The following OPCML variants were observed in gnomAD, a reference collection of about 807,000 sequenced individuals.
The protein encoded by OPCML is opioid binding protein/cell adhesion molecule like, also known as opioid-binding protein/cell adhesion molecule.
A neutral mutation model predicts 37.8 loss-of-function variants in OPCML; 13 were observed. The ratio of observed to expected loss-of-function variants is 0.34; its 90% CI spans 0.22 to 0.55. The LOEUF (loss-of-function observed/expected upper bound fraction) is 0.55, where lower values mean the gene tolerates loss of function less well. Among genes scored for constraint, OPCML ranks in the 20% least tolerant of loss-of-function variants. OPCML has a pLI of 0.91. For synonymous variants in OPCML, 176 were observed against 168.8 expected (o/e 1.04, Z -0.33); for missense variants, 341 against 435.6 (o/e 0.78, Z 1.93).
chr11:132,558,299 CCCTCCTCCTCT>C (rs2096400877), intron 3 of OPCML, among the ~76,000 whole-genome samples: 1 of 98,300 alleles, frequency 1.0e-5, no homozygotes. Flanking sequence ...TCCTCTTCTC[CCCTCCTCCTCT>C]CCCCCTCCTC....
At chr11:132,640,579 T>C (rs181708944) in intron 3 of OPCML, among the ~76,000 whole-genome samples, 3 of 152,322 alleles carry the variant, frequency 2.0e-5, no homozygotes, top group East Asian at 3.9e-4. Flanking sequence ...ATAAGCATTT[T>C]TGAGCGTCTA....
At chr11:132,947,488 G>A (rs923401442) in intron 1 of OPCML, among the ~76,000 whole-genome samples, 3 of 152,300 alleles carry the variant, frequency 2.0e-5, no homozygotes, top group South Asian at 2.1e-4. Context: ...CAACTCATGG[G>A]CTAGCAGATC....
chr11:132,816,411 G>A (rs1014805633), intron 2 of OPCML, among the ~76,000 whole-genome samples: 1 of 152,184 alleles, frequency 6.6e-6, no homozygotes, highest in Non-Finnish European at 1.5e-5. Context: ...TTTATTTACA[G>A]ACACTGAAAT....
intron 2 of OPCML, among the ~76,000 whole-genome samples, chr11:132,818,660 A>ATCTATATATATATATATATATATAT (rs56858242): frequency 8.7e-6 from 1 of 115,558 alleles, no homozygotes; most frequent in African/African-American, 3.2e-5. Context: ...ATATATATAT[A>ATCTATATATATATATATATATATAT]GACAGATTAT....
chr11:133,024,748 G>A (rs1428685535), intron 1 of OPCML: 1 of 965,754 alleles, frequency 1.0e-6, no homozygotes, highest in African/African-American at 1.8e-5. Flanking sequence ...TTTTGAATAT[G>A]GGTTAATAAG....
rs144212107 is a variant in OPCML at position 132,935,366 on chromosome 11, G to A, written c.146+7560C>T. 8.7e-3 allele frequency among the ~76,000 whole-genome samples: 1,325 copies of A among 151,972 alleles called. 11 individuals carry two copies. The highest frequency in any genetic ancestry group is 0.011 in the Non-Finnish European group (770 of 67,964). On this transcript the variant is annotated intron_variant, in intron 2 of 7. Coordinates refer to ENST00000524381, the MANE Select transcript of OPCML (RefSeq NM_001012393.5). Reference sequence around the variant, plus strand: ...TTTGCGTAATTACTTCTGCAACAACGTTGTTTTCTGTTATTCTTCATTGCT... The same window carrying A: ...TTTGCGTAATTACTTCTGCAACAACATTGTTTTCTGTTATTCTTCATTGCT...
intron 2 of OPCML, among the ~76,000 whole-genome samples, chr11:132,671,570 AC>A (rs1357545520): frequency 6.6e-6 from 1 of 152,170 alleles, no homozygotes; most frequent in East Asian, 1.9e-4. Context: ...AGGGAGTCTG[AC>A]CCGAAGGTAA....
intron 3 of OPCML, among the ~76,000 whole-genome samples, chr11:132,559,982 T>C (rs1422113229): frequency 6.6e-6 from 1 of 152,254 alleles, no homozygotes; most frequent in African/African-American, 2.4e-5. Context: ...AATTTATCTA[T>C]AGCCTCACTC....
chr11:133,102,622 T>A (rs868067838), intron 1 of OPCML, among the ~76,000 whole-genome samples: 2 of 151,916 alleles, frequency 1.3e-5, no homozygotes, highest in African/African-American at 4.8e-5. Context: ...TGGTGGCAGG[T>A]GCCTGTAGTC....
chr11:132,962,481 C>T (rs2136726567), intron 1 of OPCML, among the ~76,000 whole-genome samples: 1 of 152,326 alleles, frequency 6.6e-6, no homozygotes, highest in South Asian at 2.1e-4. Flanking sequence ...CTACTCAGAG[C>T]TTGAGGAAAA....
intron 1 of OPCML, among the ~76,000 whole-genome samples, chr11:133,383,952 C>T (rs1030109822): frequency 1.3e-5 from 2 of 152,048 alleles, no homozygotes; most frequent in African/African-American, 2.4e-5. Flanking sequence ...CCAAGGTACA[C>T]GGACTCCTCT....
intron 2 of OPCML, among the ~76,000 whole-genome samples, chr11:132,806,466 T>C (rs1939015408): frequency 6.6e-6 from 1 of 152,122 alleles, no homozygotes; most frequent in African/African-American, 2.4e-5. Context: ...GGTTTATTGA[T>C]ATCAAACAAA....
At chr11:133,359,062 A>C (rs2136711340) in intron 1 of OPCML, among the ~76,000 whole-genome samples, 1 of 152,340 alleles carries the variant, frequency 6.6e-6, no homozygotes, top group Non-Finnish European at 1.5e-5. Flanking sequence ...AGAAGCCATC[A>C]GAGGAATTTG....
Position 133,046,116 on chromosome 11 carries a change from G to A in OPCML, c.62-103106C>T, listed in dbSNP as rs138840006. ...CCAGCCCGAGATTCGACCTGGGGAA[G>A]TGTGTGAGAACCTGTACACCCTTTA... On this transcript the variant is annotated intron_variant, in intron 1 of 7. Transcript: ENST00000524381. 3.8e-3 allele frequency among the ~76,000 whole-genome samples: 572 copies of A among 152,306 alleles called. 2 individuals carry two copies. The highest frequency in any genetic ancestry group is 5.6e-3 in the Non-Finnish European group (384 of 68,020).
chr11:133,050,847 C>A (rs1346943281), intron 1 of OPCML, among the ~76,000 whole-genome samples: 1 of 152,008 alleles, frequency 6.6e-6, no homozygotes, highest in African/African-American at 2.4e-5. Flanking sequence ...TTAATGCTCT[C>A]ATTAGGAGGC....
chr11:133,039,333 G>A (rs1196312565), intron 1 of OPCML, among the ~76,000 whole-genome samples: 1 of 152,152 alleles, frequency 6.6e-6, no homozygotes, highest in Admixed American at 6.5e-5. Context: ...GGTCTCAGGA[G>A]GGGCACAGGG....
intron 1 of OPCML, chr11:133,300,535 A>T (rs1942751259): frequency 6.6e-6 from 1 of 152,066 alleles, no homozygotes; most frequent in Non-Finnish European, 1.5e-5. Flanking sequence ...TGTCCATATC[A>T]CTCATGTGTC....
chr11:132,787,912 C>T (rs145125599), intron 2 of OPCML, among the ~76,000 whole-genome samples: 7 of 152,276 alleles, frequency 4.6e-5, no homozygotes, highest in Middle Eastern at 3.4e-3. Flanking sequence ...GACAGAGTCT[C>T]GCTTTGTCAC....
At chr11:133,109,345 T>C (rs959551443) in intron 1 of OPCML, among the ~76,000 whole-genome samples, 1 of 152,158 alleles carries the variant, frequency 6.6e-6, no homozygotes, top group Non-Finnish European at 1.5e-5. Flanking sequence ...GGGTTACCGC[T>C]GCTGGCTGGG....
Sources: gnomAD v4.1 joint callset for allele counts (sites outside exome capture counted in the v4.1 genomes callset) on GRCh38, gnomAD v4.1.1 for gene constraint, MANE v1.5 for transcripts, NCBI Gene and HGNC (gene_info 2026-07-23, HGNC 2026-07-21) for gene names.